GALNT13: variants seen among roughly 807,000 people sequenced by gnomAD.
GALNT13 encodes UDP-GalNAc:polypeptide N-acetylgalactosaminyltransferase 13.
A neutral mutation model predicts 64.2 loss-of-function variants in GALNT13; 28 were observed. The ratio of observed to expected loss-of-function variants is 0.44; its 90% CI spans 0.32 to 0.60. GALNT13 has a LOEUF of 0.60. Among genes scored for constraint, GALNT13 ranks in the 20% least tolerant of loss-of-function variants. The pLI, the probability that GALNT13 is intolerant of heterozygous loss-of-function variation, is 0.05. For synonymous variants in GALNT13, 214 were observed against 224.6 expected (o/e 0.95, Z 0.42); for missense variants, 577 against 669.8 (o/e 0.86, Z 1.53).
chr2:154,243,150 G>A (rs1047177764), intron 6 of GALNT13, among the ~76,000 whole-genome samples: 2 of 152,272 alleles, frequency 1.3e-5, no homozygotes, highest in African/African-American at 4.8e-5. Flanking sequence ...TACTTTTTAG[G>A]TGAAGGAAAT....
the GALNT13 span, among the ~76,000 whole-genome samples, chr2:153,129,706 G>A: frequency 6.6e-6 from 1 of 151,868 alleles, no homozygotes; most frequent in Non-Finnish European, 1.5e-5. Flanking sequence ...GGAGGTGGAG[G>A]TTGCAGTGAG....
At chr2:154,081,251 T>C (rs1239412773) in intron 3 of GALNT13, among the ~76,000 whole-genome samples, 1 of 151,624 alleles carries the variant, frequency 6.6e-6, no homozygotes, top group African/African-American at 2.4e-5. Flanking sequence ...GTATTTTTCT[T>C]TTAAACCCTT....
intron 2 of GALNT13, among the ~76,000 whole-genome samples, chr2:153,934,745 C>T (rs1281179272): frequency 6.6e-6 from 1 of 152,132 alleles, no homozygotes; most frequent in Non-Finnish European, 1.5e-5. Flanking sequence ...GGTTGCATTA[C>T]AGAAAAAGAC....
the GALNT13 span, among the ~76,000 whole-genome samples, chr2:153,687,189 A>AT: frequency 2.0e-5 from 3 of 151,890 alleles, no homozygotes; most frequent in African/African-American, 7.3e-5. Context: ...CTCCTCCTCA[A>AT]TTTTTTGAAA....
At chr2:153,608,514 A>G in the GALNT13 span, among the ~76,000 whole-genome samples, 6 of 151,832 alleles carry the variant, frequency 4.0e-5, no homozygotes, top group Admixed American at 3.3e-4. Context: ...AGTATCCATC[A>G]TGATAATATT....
At chr2:154,018,854 G>A (rs1354224169) in intron 3 of GALNT13, among the ~76,000 whole-genome samples, 1 of 151,430 alleles carries the variant, frequency 6.6e-6, no homozygotes, top group Non-Finnish European at 1.5e-5. Context: ...AGAGGAGGAG[G>A]AGGAGAGACA....
the GALNT13 span, among the ~76,000 whole-genome samples, chr2:153,145,687 C>T: frequency 1.3e-5 from 2 of 151,856 alleles, no homozygotes; most frequent in Non-Finnish European, 2.9e-5. Flanking sequence ...AGTGCAGTTA[C>T]TCTAAACTTG....
At chr2:154,012,401 C>G (rs565055019) in intron 3 of GALNT13, among the ~76,000 whole-genome samples, 1 of 152,162 alleles carries the variant, frequency 6.6e-6, no homozygotes, top group Non-Finnish European at 1.5e-5. Flanking sequence ...AGTCCCCCAT[C>G]TTTTCTGGTT....
the GALNT13 span, among the ~76,000 whole-genome samples, chr2:153,270,772 A>T: frequency 6.6e-6 from 1 of 152,126 alleles, no homozygotes; most frequent in Admixed American, 6.5e-5. Context: ...GGATCACTTG[A>T]ACTTGGGAGG....
the GALNT13 span, among the ~76,000 whole-genome samples, chr2:153,088,860 C>T: frequency 2.0e-5 from 3 of 152,070 alleles, no homozygotes; most frequent in African/African-American, 7.2e-5. Context: ...TTATGTGAAC[C>T]TTTATGCATT....
intron 4 of GALNT13, among the ~76,000 whole-genome samples, chr2:154,193,009 T>C (rs1408380083): frequency 6.6e-6 from 1 of 152,182 alleles, no homozygotes; most frequent in Non-Finnish European, 1.5e-5. Context: ...ATTAGAATAG[T>C]TAGAGTAAAT....
chr2:153,336,742 G>C, the GALNT13 span, among the ~76,000 whole-genome samples: 2 of 152,182 alleles, frequency 1.3e-5, no homozygotes, highest in Admixed American at 6.5e-5. Flanking sequence ...GGCATGATTG[G>C]TTTTAAAAAT....
the GALNT13 span, among the ~76,000 whole-genome samples, chr2:153,202,660 TATC>T: frequency 1.6e-4 from 24 of 152,222 alleles, no homozygotes; most frequent in Admixed American, 1.5e-3. Flanking sequence ...TCATTAATGC[TATC>T]ATCAAGCACT....
chr2:154,089,944 G>A (rs1701723402), intron 3 of GALNT13, among the ~76,000 whole-genome samples: 1 of 150,042 alleles, frequency 6.7e-6, no homozygotes, highest in Admixed American at 6.7e-5. Flanking sequence ...ATCATTTATT[G>A]TATCTTGTTT....
Position 154,369,209 on chromosome 2 carries a change from G to A in GALNT13, c.1157-26782G>A, listed in dbSNP as rs181507553. Among the ~76,000 whole-genome samples, 60 of 152,110 alleles carry A rather than the reference G, an allele frequency of 3.9e-4. 1 individual carries two copies. Among genetic ancestry groups the A allele is most frequent in the East Asian group, 2.1e-3 (11 of 5,162 alleles). ...GGTTTCAGATGACACTAAGTATCTC[G>A]TATTTCCAAGGTACTTTGGGAGAGG... On this transcript the variant is annotated intron_variant, in intron 9 of 12. Coordinates refer to ENST00000392825, the MANE Select transcript of GALNT13 (RefSeq NM_052917.4).
chr2:154,398,222 C>T (rs16837121), intron 10 of GALNT13, among the ~76,000 whole-genome samples: 1 of 152,060 alleles, frequency 6.6e-6, no homozygotes, highest in Admixed American at 6.6e-5. Flanking sequence ...GGACCCAAAT[C>T]ATTAGTAAAC....
chr2:153,478,204 T>G, the GALNT13 span: 2 of 1,569,132 alleles, frequency 1.3e-6, no homozygotes, highest in East Asian at 2.3e-5. Flanking sequence ...TGGGCAGGCG[T>G]GGGAGCGGTT....
At chr2:153,488,506 C>T in the GALNT13 span, among the ~76,000 whole-genome samples, 6 of 152,176 alleles carry the variant, frequency 3.9e-5, no homozygotes, top group Admixed American at 1.3e-4. Flanking sequence ...TCACCAGCCA[C>T]CTCTATGTCC....
At chr2:153,512,889 T>A in the GALNT13 span, among the ~76,000 whole-genome samples, 1 of 152,224 alleles carries the variant, frequency 6.6e-6, no homozygotes, top group African/African-American at 2.4e-5. Context: ...CCAATTTCAT[T>A]TGAACATTTG....
Sources: allele counts gnomAD v4.1 joint callset (sites outside exome capture counted in the v4.1 genomes callset), GRCh38; gene constraint gnomAD v4.1.1; transcripts MANE v1.5; gene names NCBI Gene and HGNC (gene_info 2026-07-23, HGNC 2026-07-21).